Variants in CMTM4 observed in about 807,000 individuals in gnomAD.
The protein encoded by CMTM4 is CKLF like MARVEL transmembrane domain containing 4.
A neutral mutation model predicts 19.0 loss-of-function variants in CMTM4; 8 were observed. That is an observed-to-expected ratio of 0.42 (90% CI 0.25 to 0.76). The LOEUF is 0.76. Among genes scored for constraint, CMTM4 ranks in the 30% least tolerant of loss-of-function variants. CMTM4 has a pLI of 0.27. For missense variants in CMTM4, 228 were observed against 290.2 expected, an observed-to-expected ratio of 0.79 and a Z score of 1.56; for synonymous variants, 106 against 121.1, an observed-to-expected ratio of 0.88 and a Z score of 0.82.
At chr16:66,607,220 G>A in the CMTM4 span, among the ~76,000 whole-genome samples, 1 of 152,204 alleles carries the variant, frequency 6.6e-6, no homozygotes, top group Non-Finnish European at 1.5e-5. Flanking sequence ...CAGCGTACCT[G>A]GGCTGCAGGA....
chr16:66,633,647 G>A (rs777353490), intron 2 of CMTM4, among the ~76,000 whole-genome samples: 6 of 151,772 alleles, frequency 4.0e-5, no homozygotes, highest in Non-Finnish European at 8.8e-5. Context: ...GCGAAACCTC[G>A]TCTCTATTAA....
At chr16:66,625,767 T>C (rs1246813365) in intron 2 of CMTM4, among the ~76,000 whole-genome samples, 1 of 152,228 alleles carries the variant, frequency 6.6e-6, no homozygotes, top group Non-Finnish European at 1.5e-5. Context: ...GCTTAAAAGA[T>C]GAATCTAAAT....
chr16:66,652,838 G>T (rs997192518), intron 1 of CMTM4, among the ~76,000 whole-genome samples: 1 of 152,168 alleles, frequency 6.6e-6, no homozygotes, highest in Non-Finnish European at 1.5e-5. Flanking sequence ...CCACAGGACG[G>T]TCAGCATCTT....
At chr16:66,688,903 G>A (rs2017085755) in intron 1 of CMTM4, among the ~76,000 whole-genome samples, 1 of 152,126 alleles carries the variant, frequency 6.6e-6, no homozygotes, top group Non-Finnish European at 1.5e-5. Flanking sequence ...TTTGAGTGCT[G>A]TTATAACTGA....
intron 1 of CMTM4, among the ~76,000 whole-genome samples, chr16:66,639,868 A>G (rs1026200112): frequency 2.0e-5 from 3 of 152,136 alleles, no homozygotes; most frequent in African/African-American, 7.2e-5. Context: ...AAATACAAAA[A>G]TTAGCCAGAT....
At position 66,619,788 on chromosome 16, in the gene CMTM4, C is replaced by T. The variant is rs1409756541; in HGVS notation, c.*2270G>A. 7 of 985,198 alleles carry T rather than the reference C, an allele frequency of 7.1e-6. No individual in the cohort carries two copies. The highest frequency in any genetic ancestry group is 1.7e-5 in the African/African-American group (1 of 57,206). The allele number at this position is 985,198 out of a possible 1,614,324, so 61.0% of individuals were successfully genotyped here. A position where few individuals can be genotyped will look rare whatever the true frequency, so the allele number is the denominator to read the frequency against. On this transcript the variant is annotated 3_prime_UTR_variant, in exon 4 of 4. Coordinates refer to ENST00000394106, the MANE Select transcript of CMTM4 (RefSeq NM_181521.3). The stretch of plus-strand genomic sequence containing the variant: ...ACAAGGAGAACATTTACAAAACCAC[C>T]GAGGAGCCTCACGGCACAAAGGATA...
At position 66,629,705 on chromosome 16, in the gene CMTM4, T is replaced by C. The variant is rs117235527; in HGVS notation, c.364-6203A>G. Among the ~76,000 whole-genome samples the C allele has an allele frequency of 3.6e-4, 54 of 151,852 alleles. No homozygotes were observed. The East Asian group carries it at 9.3e-3, about 26-fold the overall frequency. On this transcript the variant is annotated intron_variant, in intron 2 of 3. Coordinates refer to ENST00000394106, the MANE Select transcript of CMTM4 (RefSeq NM_181521.3). ...AAAAACCAGCCAGGTGATTAGAGAG[T>C]TGGAATTTTCAGCCCCATCCCCTGG...
intron 1 of CMTM4, among the ~76,000 whole-genome samples, chr16:66,670,949 G>C (rs1191798313): frequency 6.6e-6 from 1 of 152,128 alleles, no homozygotes; most frequent in East Asian, 1.9e-4. Flanking sequence ...CTGTTAATGG[G>C]AGTCCTCTCT....
the CMTM4 span, among the ~76,000 whole-genome samples, chr16:66,607,821 C>T: frequency 1.3e-5 from 2 of 149,306 alleles, no homozygotes; most frequent in African/African-American, 4.9e-5. Flanking sequence ...AGGTGTGAGC[C>T]TGGGCCATGC....
chr16:66,642,645 G>A (rs1163140267), intron 1 of CMTM4, among the ~76,000 whole-genome samples: 2 of 152,120 alleles, frequency 1.3e-5, no homozygotes, highest in African/African-American at 2.4e-5. Flanking sequence ...GAACCCTGGA[G>A]GTAGAGTTTG....
intron 1 of CMTM4, among the ~76,000 whole-genome samples, chr16:66,678,263 T>C (rs1266134621): frequency 1.3e-5 from 2 of 152,066 alleles, no homozygotes; most frequent in Non-Finnish European, 2.9e-5. Flanking sequence ...CCATAAAGAA[T>C]GCTCCTCCAG....
intron 1 of CMTM4, among the ~76,000 whole-genome samples, chr16:66,662,519 T>C (rs1387584788): frequency 1.3e-5 from 2 of 152,138 alleles, no homozygotes; most frequent in Admixed American, 1.3e-4. Flanking sequence ...TTTTTTTCCT[T>C]CATTCTCACT....
At position 66,680,571 on chromosome 16, in the gene CMTM4, G is replaced by A. The variant is rs193154546; in HGVS notation, c.186+15769C>T. On this transcript the variant is annotated intron_variant, in intron 1 of 3. Coordinates refer to ENST00000394106, the MANE Select transcript of CMTM4 (RefSeq NM_181521.3). ...GGGCAGATCACGAGGTCAGGAGATCGAGACCATCATGGCTAACGCGGTGAA... is the reference window on the plus strand; with the variant it reads ...GGGCAGATCACGAGGTCAGGAGATCAAGACCATCATGGCTAACGCGGTGAA... 4.6e-3 allele frequency among the ~76,000 whole-genome samples: 700 copies of A among 151,306 alleles called. 4 individuals are homozygous for A. The highest frequency in any genetic ancestry group is 0.015 in the African/African-American group (629 of 41,228).
rs558380333 is a variant in CMTM4 at position 66,634,654 on chromosome 16, C to T, written c.363+1751G>A. On this transcript the variant is annotated intron_variant, in intron 2 of 3. Transcript: ENST00000394106. ...GTAACATAACAGCAGCGTGCCAGGA[C>T]ACCTCTTACTCAGGTGAGATGAACA... 3.3e-5 allele frequency among the ~76,000 whole-genome samples: 5 copies of T among 152,172 alleles called. No homozygotes were observed. The East Asian group carries it at 9.7e-4, about 29-fold the overall frequency.
At chr16:66,662,465 A>G (rs2016515317) in intron 1 of CMTM4, among the ~76,000 whole-genome samples, 2 of 152,232 alleles carry the variant, frequency 1.3e-5, no homozygotes, top group Non-Finnish European at 2.9e-5. Context: ...CCTAACACTC[A>G]TAGACATTGA....
At chr16:66,683,147 G>C (rs867872105) in intron 1 of CMTM4, among the ~76,000 whole-genome samples, 1 of 96,422 alleles carries the variant, frequency 1.0e-5, no homozygotes, top group Non-Finnish European at 2.1e-5. Flanking sequence ...ATATATATAT[G>C]TATATATATA....
At chr16:66,645,317 C>T (rs112568010) in intron 1 of CMTM4, among the ~76,000 whole-genome samples, 84 of 150,582 alleles carry the variant, frequency 5.6e-4, no homozygotes, top group South Asian at 1.7e-3. Context: ...CAGTGGCTCA[C>T]GCCTGCAATC....
chr16:66,633,817 C>CAAA (rs1388711559), intron 2 of CMTM4, among the ~76,000 whole-genome samples: 1 of 103,750 alleles, frequency 9.6e-6, no homozygotes. Context: ...GACCCCATCT[C>CAAA]AAAAAAAAAA....
At position 66,619,060 on chromosome 16, in the gene CMTM4, C is replaced by A; in HGVS notation, c.*2998G>T. 1.0e-6 allele frequency: 1 copy of A among 985,500 alleles called. No individual in the cohort carries two copies. The allele number at this position is 985,500 out of a possible 1,614,324, so 61.0% of individuals were successfully genotyped here. ...GCTGTTTACTTCAAATCAAACTTCT[C>A]TGACGAGATTTTAATCTGAAACTGC... is the stretch of plus-strand genomic sequence containing the variant. On this transcript the variant is annotated 3_prime_UTR_variant, in exon 4 of 4. Coordinates refer to ENST00000394106, the MANE Select transcript of CMTM4 (RefSeq NM_181521.3).
Sources: allele counts gnomAD v4.1 joint callset (sites outside exome capture counted in the v4.1 genomes callset), GRCh38; gene constraint gnomAD v4.1.1; transcripts MANE v1.5; gene names NCBI Gene and HGNC (gene_info 2026-07-23, HGNC 2026-07-21).